Variants in EPHA6 observed in about 807,000 individuals in gnomAD.
The protein encoded by EPHA6 is ephrin type-A receptor 6.
A neutral mutation model predicts 112.0 loss-of-function variants in EPHA6; 50 were observed. The ratio of observed to expected loss-of-function variants is 0.45; its 90% CI spans 0.36 to 0.56. The LOEUF (loss-of-function observed/expected upper bound fraction) is 0.56, where lower values mean the gene tolerates loss of function less well. Among genes scored for constraint, EPHA6 ranks in the 20% least tolerant of loss-of-function variants. The pLI, the probability that EPHA6 is intolerant of heterozygous loss-of-function variation, is 0.00. For synonymous variants in EPHA6, 529 were observed against 490.7 expected, an observed-to-expected ratio of 1.08 and a Z score of -1.03; for missense variants, 1,280 against 1,417.4, an observed-to-expected ratio of 0.90 and a Z score of 1.56.
chr3:97,750,861 T>A lies in EPHA6; in HGVS notation c.*2160T>A, dbSNP rs369443019. ...AAAAAGGTAGGGGGTGATGGGAAAA[T>A]CATCACTTTTCAAGTAAGTGTGCCA... is the stretch of plus-strand genomic sequence containing the variant. On this transcript the variant is annotated 3_prime_UTR_variant, in exon 18 of 18. Coordinates refer to ENST00000389672, the MANE Select transcript of EPHA6 (RefSeq NM_001080448.3). Among the ~76,000 whole-genome samples, 10 of 152,104 alleles carry A rather than the reference T, an allele frequency of 6.6e-5. 1 individual carries two copies. In the East Asian group the frequency reaches 1.2e-3, roughly 18 times the overall value.
At chr3:96,972,896 G>A (rs993974951) in intron 2 of EPHA6, among the ~76,000 whole-genome samples, 1 of 152,066 alleles carries the variant, frequency 6.6e-6, no homozygotes, top group Non-Finnish European at 1.5e-5. Context: ...ATTTTCAGAG[G>A]GAAGAAGATA....
At chr3:97,671,196 G>A (rs979406375) in intron 14 of EPHA6, among the ~76,000 whole-genome samples, 2 of 152,126 alleles carry the variant, frequency 1.3e-5, no homozygotes, top group Non-Finnish European at 2.9e-5. Flanking sequence ...AGCTCCCTGT[G>A]AGCATAAATA....
chr3:97,541,451 A>G (rs1379364638), intron 11 of EPHA6, among the ~76,000 whole-genome samples: 2 of 152,194 alleles, frequency 1.3e-5, no homozygotes, highest in East Asian at 3.9e-4. Flanking sequence ...TGACTTTGCC[A>G]TTAAAACTTA....
At chr3:97,206,802 C>T (rs1188175636) in intron 3 of EPHA6, among the ~76,000 whole-genome samples, 1 of 152,092 alleles carries the variant, frequency 6.6e-6, no homozygotes, top group Non-Finnish European at 1.5e-5. Flanking sequence ...GTAACTACAA[C>T]TTATTATACA....
rs372541974 is a variant in EPHA6 at position 97,174,270 on chromosome 3, G to A, written c.1115-51994G>A. On this transcript the variant is annotated intron_variant, in intron 3 of 17. Coordinates refer to ENST00000389672, the MANE Select transcript of EPHA6 (RefSeq NM_001080448.3). Reference sequence around the variant, plus strand: ...CTGAATAGTACTTCATTGTGTATATGTACTACATTTTCTTTATCCATTCAT... The same window carrying A: ...CTGAATAGTACTTCATTGTGTATATATACTACATTTTCTTTATCCATTCAT... Among the ~76,000 whole-genome samples the A allele has an allele frequency of 2.0e-4, 31 of 151,820 alleles. 1 individual carries two copies. The East Asian group carries it at 4.3e-3, about 21-fold the overall frequency.
chr3:97,352,528 A>C (rs992570003), intron 5 of EPHA6, among the ~76,000 whole-genome samples: 1 of 152,178 alleles, frequency 6.6e-6, no homozygotes, highest in Admixed American at 6.5e-5. Flanking sequence ...ATTGGAACTC[A>C]GTGCTGCCTT....
intron 11 of EPHA6, among the ~76,000 whole-genome samples, chr3:97,543,530 C>T (rs1307013701): frequency 6.6e-6 from 1 of 152,036 alleles, no homozygotes; most frequent in South Asian, 2.1e-4. Flanking sequence ...AGGTAGCGTG[C>T]TGCCTCCAGC....
intron 3 of EPHA6, among the ~76,000 whole-genome samples, chr3:97,097,623 TTA>T (rs2047280158): frequency 1.3e-5 from 2 of 151,860 alleles, no homozygotes; most frequent in Non-Finnish European, 2.9e-5. Context: ...TAATTAAAAT[TTA>T]TGTCTTCACT....
rs368471930 is a variant in EPHA6, at chr3:97,276,219, C to T, written c.1606+31932C>T. On this transcript the variant is annotated intron_variant, in intron 5 of 17. Transcript: ENST00000389672. ...CATCCATGATGGTCTAGGGGGCTTC[C>T]GAGGCGATCGGGCAGTGTCAGTCTT... is the stretch of plus-strand genomic sequence containing the variant. Among the ~76,000 whole-genome samples, 59 of 152,182 alleles carry T rather than the reference C, an allele frequency of 3.9e-4. No homozygotes were observed. In the South Asian group the frequency reaches 6.0e-3, roughly 16 times the overall value.
intron 3 of EPHA6, among the ~76,000 whole-genome samples, chr3:97,046,901 A>C (rs966893976): frequency 6.6e-6 from 1 of 152,154 alleles, no homozygotes; most frequent in African/African-American, 2.4e-5. Context: ...AAAATGGATG[A>C]ATGTATATCA....
chr3:97,213,899 C>T (rs10511160), intron 3 of EPHA6, among the ~76,000 whole-genome samples: 1,898 of 151,920 alleles, frequency 0.012, 32 homozygotes, highest in African/African-American at 0.041. Context: ...GTTTATTCAA[C>T]GGGAAGTTCA....
intron 2 of EPHA6, among the ~76,000 whole-genome samples, chr3:96,940,196 T>G (rs2040854936): frequency 6.6e-6 from 1 of 152,186 alleles, no homozygotes; most frequent in Admixed American, 6.5e-5. Flanking sequence ...ATGTTGACAG[T>G]GTGGTGTTAA....
At chr3:97,500,935 AT>A (rs1037932530) in intron 10 of EPHA6, among the ~76,000 whole-genome samples, 3 of 151,948 alleles carry the variant, frequency 2.0e-5, no homozygotes, top group East Asian at 1.9e-4. Context: ...ACAAATAGCA[AT>A]TTTTTTTCTA....
rs188753501 is a variant in EPHA6, at chr3:97,130,054, G to A, written c.1115-96210G>A. Among the ~76,000 whole-genome samples the A allele has an allele frequency of 1.1e-4, 17 of 152,116 alleles. No homozygotes were observed. The East Asian group carries it at 2.5e-3, about 23-fold the overall frequency. ...GTACAAACTAAAATGGAACTTCAAG[G>A]TCTCTCATATGATCAAAATAAATAT... On this transcript the variant is annotated intron_variant, in intron 3 of 17. Coordinates refer to ENST00000389672, the MANE Select transcript of EPHA6 (RefSeq NM_001080448.3).
chr3:97,250,850 G>C (rs765484087), intron 5 of EPHA6, among the ~76,000 whole-genome samples: 1 of 151,744 alleles, frequency 6.6e-6, no homozygotes, highest in Non-Finnish European at 1.5e-5. Flanking sequence ...GTTTATTTGT[G>C]ATATTTGATA....
At chr3:97,519,042 T>G (rs1321418403) in intron 10 of EPHA6, among the ~76,000 whole-genome samples, 1 of 152,160 alleles carries the variant, frequency 6.6e-6, no homozygotes. Flanking sequence ...GCCTGTGCGT[T>G]TAAGTACTAA....
At chr3:97,721,146 G>A (rs1266138490) in intron 15 of EPHA6, among the ~76,000 whole-genome samples, 2 of 152,068 alleles carry the variant, frequency 1.3e-5, no homozygotes, top group Admixed American at 1.3e-4. Flanking sequence ...CTATAAGATG[G>A]TTTCTGATAC....
chr3:97,046,698 T>C (rs974661189), intron 3 of EPHA6, among the ~76,000 whole-genome samples: 6 of 152,156 alleles, frequency 3.9e-5, no homozygotes, highest in Non-Finnish European at 8.8e-5. Flanking sequence ...AAGCCAGTAG[T>C]AATTCTATCT....
At chr3:97,001,773 A>G (rs2043673445) in intron 3 of EPHA6, among the ~76,000 whole-genome samples, 1 of 151,970 alleles carries the variant, frequency 6.6e-6, no homozygotes, top group African/African-American at 2.4e-5. Flanking sequence ...GACTATCAGC[A>G]TGAAAAGAAG....
Sources: gnomAD v4.1 joint callset for allele counts (sites outside exome capture counted in the v4.1 genomes callset) on GRCh38, gnomAD v4.1.1 for gene constraint, MANE v1.5 for transcripts, NCBI Gene and HGNC (gene_info 2026-07-23, HGNC 2026-07-21) for gene names.